Variants in DCLK1 observed in about 807,000 individuals in gnomAD.
DCLK1 encodes doublecortin like kinase 1, also known as serine/threonine-protein kinase DCLK1.
A neutral mutation model predicts 86.2 loss-of-function variants in DCLK1; 16 were observed. The observed-to-expected ratio is 0.19, with a 90% CI of 0.13 to 0.28. DCLK1 has a LOEUF of 0.28. Among genes scored for constraint, DCLK1 ranks in the 10% least tolerant of loss-of-function variants. The pLI is 1.00. For synonymous variants in DCLK1, 369 were observed against 370.5 expected (o/e 1.00, Z 0.05); for missense variants, 590 against 940.2 (o/e 0.63, Z 4.87).
intron 3 of DCLK1, among the ~76,000 whole-genome samples, chr13:35,977,596 T>G (rs1879413181): frequency 6.6e-6 from 1 of 152,214 alleles, no homozygotes; most frequent in South Asian, 2.1e-4. Flanking sequence ...TGGGCTATTT[T>G]TTTTTTAATT....
At chr13:36,129,421 C>T (rs933817040) in intron 1 of DCLK1, among the ~76,000 whole-genome samples, 1 of 152,206 alleles carries the variant, frequency 6.6e-6, no homozygotes, top group African/African-American at 2.4e-5. Flanking sequence ...CTTCCCTTCC[C>T]TGAATCTGTC....
chr13:35,942,068 CCT>C (rs1401706886), intron 4 of DCLK1, among the ~76,000 whole-genome samples: 1 of 152,076 alleles, frequency 6.6e-6, no homozygotes, highest in African/African-American at 2.4e-5. Context: ...TACAATCCAC[CCT>C]GTTAGAACCT....
chr13:35,782,508 C>T (rs2086546295), intron 16 of DCLK1, among the ~76,000 whole-genome samples: 1 of 152,132 alleles, frequency 6.6e-6, no homozygotes. Context: ...ATTGCAGAAA[C>T]CATTTTAACC....
At chr13:36,072,892 T>C (rs186060982) in intron 3 of DCLK1, among the ~76,000 whole-genome samples, 67 of 152,312 alleles carry the variant, frequency 4.4e-4, no homozygotes, top group African/African-American at 1.6e-3. Flanking sequence ...CAAAGAATAA[T>C]CATTTTCTGT....
At chr13:35,825,610 G>A (rs1399025784) in intron 10 of DCLK1, among the ~76,000 whole-genome samples, 3 of 151,962 alleles carry the variant, frequency 2.0e-5, no homozygotes, top group South Asian at 2.1e-4. Flanking sequence ...CAATAATAAC[G>A]GGGGGTAATC....
chr13:35,906,313 CTT>C (rs11358132), intron 4 of DCLK1, among the ~76,000 whole-genome samples: 8,595 of 137,526 alleles, frequency 0.062, 266 homozygotes, highest in South Asian at 0.15. Flanking sequence ...CAAGTATTTT[CTT>C]TTTTTTTTTT....
chr13:35,784,407 C>A (rs1301710604), intron 16 of DCLK1, among the ~76,000 whole-genome samples: 1 of 152,184 alleles, frequency 6.6e-6, no homozygotes, highest in Non-Finnish European at 1.5e-5. Context: ...CCTCAGTGAG[C>A]AACCTGTTTG....
In DCLK1 at chr13:35,774,547, G is replaced by C. The variant is rs2086389188; in HGVS notation, c.2211C>G (p.Asn737Lys). 8 of 1,553,726 alleles carry C rather than the reference G, an allele frequency of 5.1e-6. No individual in the cohort carries two copies. Among genetic ancestry groups the C allele is most frequent in the Non-Finnish European group, 7.0e-6 (8 of 1,147,878 alleles). The change falls in exon 17 of 17, where the codon AAC becomes AAG. Residue 737 changes from asparagine (N) to lysine (K), a missense_variant. This residue lies in a region of DCLK1 where 146 missense variants were observed against 190.2 expected (regional missense o/e 0.77). Transcript: ENST00000360631. ...PSSSETVRSP[N>K]SPF ...TAAAAGGGTCTTATTAAAAGGGCGA[G>C]TTAGGGGAGCGAACAGTCTCGGAGG...
At chr13:35,791,728 G>A (rs2153099304) in intron 16 of DCLK1, among the ~76,000 whole-genome samples, 1 of 152,030 alleles carries the variant, frequency 6.6e-6, no homozygotes, top group Admixed American at 6.6e-5. Context: ...ACCAAAGACT[G>A]ATTAAAATAA....
chr13:35,846,925 A>T (rs1006093739), intron 6 of DCLK1: 2 of 985,168 alleles, frequency 2.0e-6, no homozygotes, highest in African/African-American at 3.5e-5. Flanking sequence ...CTTACAGGTT[A>T]TCTGGCTTTG....
chr13:35,843,281 T>A (rs1312829369), intron 6 of DCLK1, among the ~76,000 whole-genome samples: 1 of 152,288 alleles, frequency 6.6e-6, no homozygotes, highest in African/African-American at 2.4e-5. Flanking sequence ...CTGAGAGATA[T>A]TGTGACATTT....
At chr13:35,784,304 T>C (rs771218769) in intron 16 of DCLK1, among the ~76,000 whole-genome samples, 31 of 152,236 alleles carry the variant, frequency 2.0e-4, no homozygotes, top group Non-Finnish European at 3.2e-4. Context: ...TTTCTCATTT[T>C]TAGTAATAAG....
In DCLK1 at chr13:36,089,283, C is replaced by G. The variant is rs1884732034; in HGVS notation, c.723+22586G>C. ...TCCTCTACTTGATGAGAAAACCTCA[C>G]ATTACAAACTGTTGGGCAACCCAGG... On this transcript the variant is annotated intron_variant, in intron 3 of 16. Transcript: ENST00000360631. Among the ~76,000 whole-genome samples the G allele has an allele frequency of 2.0e-5, 3 of 152,216 alleles. No homozygotes were observed. In the South Asian group the frequency reaches 6.2e-4, roughly 32 times the overall value.
At chr13:35,860,387 C>T (rs1019114698) in intron 5 of DCLK1, among the ~76,000 whole-genome samples, 13 of 151,950 alleles carry the variant, frequency 8.6e-5, no homozygotes, top group Non-Finnish European at 1.5e-4. Context: ...GGGAAGAAGA[C>T]GTACTTTTTC....
rs957626586 is a variant in DCLK1, at chr13:36,056,635, A to G, written c.723+55234T>C. Among the ~76,000 whole-genome samples, 615 of 145,322 alleles carry G rather than the reference A, an allele frequency of 4.2e-3. 2 individuals are homozygous for G. The highest frequency in any genetic ancestry group is 5.9e-3 in the Non-Finnish European group (397 of 67,078). ...GTATAATTTAAAAAAAAAAAAAAAA[A>G]AGAAAGAAATTCCAGAGCACACAAA... is the stretch of plus-strand genomic sequence containing the variant. On this transcript the variant is annotated intron_variant, in intron 3 of 16. Transcript: ENST00000360631.
At chr13:35,867,977 G>GAA (rs1871976219) in intron 5 of DCLK1, among the ~76,000 whole-genome samples, 1 of 142,372 alleles carries the variant, frequency 7.0e-6, no homozygotes, top group Non-Finnish European at 1.5e-5. Flanking sequence ...GAAAAAGAAA[G>GAA]ACCCTAAACC....
At chr13:35,922,022 G>A (rs1298167161) in intron 4 of DCLK1, among the ~76,000 whole-genome samples, 1 of 152,152 alleles carries the variant, frequency 6.6e-6, no homozygotes, top group African/African-American at 2.4e-5. Flanking sequence ...CATTGATGAA[G>A]ATAAGTTCTA....
intron 3 of DCLK1, 126 bp from the exon 4 acceptor site, chr13:35,947,583 A>G: frequency 1.6e-6 from 1 of 616,608 alleles, no homozygotes; most frequent in Non-Finnish European, 2.7e-6. Context: ...CAGCTTCCAC[A>G]GAGGAATTTC....
At chr13:36,020,517 C>T (rs1881730391) in intron 3 of DCLK1, among the ~76,000 whole-genome samples, 2 of 152,092 alleles carry the variant, frequency 1.3e-5, no homozygotes, top group Non-Finnish European at 2.9e-5. Flanking sequence ...TTTTCTTCCC[C>T]TATTCCCATT....
Sources: gnomAD v4.1 joint callset for allele counts (sites outside exome capture counted in the v4.1 genomes callset) on GRCh38, gnomAD v4.1.1 for gene constraint, gnomAD v4.1.1 regional missense constraint, MANE v1.5 for transcripts, NCBI Gene and HGNC (gene_info 2026-07-23, HGNC 2026-07-21) for gene names.